SEMA6D: variants seen among roughly 807,000 people sequenced by gnomAD.
The protein encoded by SEMA6D is semaphorin-6D.
SEMA6D carries 35 observed loss-of-function variants against 106.6 expected under a neutral mutation model. That is an observed-to-expected ratio of 0.33 (90% CI 0.25 to 0.44). SEMA6D has a LOEUF of 0.44. Ranked by LOEUF, SEMA6D falls within the 20% of genes least tolerant of loss-of-function variation. The pLI is 1.00. For synonymous variants in SEMA6D, 499 were observed against 487.7 expected (o/e 1.02, Z -0.31); for missense variants, 1,185 against 1,345.9 (o/e 0.88, Z 1.87).
At chr15:47,353,247 G>T (rs16959321) in intron 1 of SEMA6D, among the ~76,000 whole-genome samples, 4 of 151,972 alleles carry the variant, frequency 2.6e-5, no homozygotes, top group African/African-American at 4.8e-5. Flanking sequence ...CTTTGTAATG[G>T]AGGCCTTAGA....
intron 3 of SEMA6D, among the ~76,000 whole-genome samples, chr15:47,530,504 C>T (rs2044925594): frequency 6.6e-6 from 1 of 152,196 alleles, no homozygotes; most frequent in Non-Finnish European, 1.5e-5. Context: ...CCTTTCTTCT[C>T]TTTTAACAAA....
At chr15:47,440,668 G>A (rs1041385697) in intron 2 of SEMA6D, among the ~76,000 whole-genome samples, 11 of 151,914 alleles carry the variant, frequency 7.2e-5, no homozygotes, top group Non-Finnish European at 1.5e-4. Flanking sequence ...AAAAAAGACG[G>A]GTGTTGAATG....
intron 1 of SEMA6D, among the ~76,000 whole-genome samples, chr15:47,748,085 A>G (rs556233034): frequency 1.3e-5 from 2 of 152,340 alleles, no homozygotes; most frequent in South Asian, 2.1e-4. Context: ...TGTGTTGCCC[A>G]TTTCTGGTGG....
At chr15:47,554,402 A>G (rs1277174342) in intron 3 of SEMA6D, among the ~76,000 whole-genome samples, 1 of 152,224 alleles carries the variant, frequency 6.6e-6, no homozygotes, top group African/African-American at 2.4e-5. Flanking sequence ...TCACAAGTAC[A>G]GTGCTACAGA....
chr15:47,295,875 T>C (rs1198361357), intron 1 of SEMA6D, among the ~76,000 whole-genome samples: 1 of 152,202 alleles, frequency 6.6e-6, no homozygotes, highest in Non-Finnish European at 1.5e-5. Flanking sequence ...AACTCACCTG[T>C]CACAAGTAGG....
chr15:47,574,646 T>C (rs2076124842), intron 3 of SEMA6D, among the ~76,000 whole-genome samples: 1 of 152,200 alleles, frequency 6.6e-6, no homozygotes, highest in Non-Finnish European at 1.5e-5. Flanking sequence ...AACATTCCTA[T>C]GCAGAGACAT....
chr15:47,278,339 T>G (rs1245135952), intron 1 of SEMA6D, among the ~76,000 whole-genome samples: 2 of 152,242 alleles, frequency 1.3e-5, no homozygotes, highest in South Asian at 4.1e-4. Flanking sequence ...ATTGTGGTTT[T>G]GATTTGCATT....
intron 1 of SEMA6D, among the ~76,000 whole-genome samples, chr15:47,723,593 A>G (rs528465268): frequency 6.6e-6 from 1 of 152,322 alleles, no homozygotes; most frequent in South Asian, 2.1e-4. Flanking sequence ...AGATTGTACT[A>G]TACATTTTTC....
chr15:47,437,753 G>C (rs1417467055), intron 2 of SEMA6D, among the ~76,000 whole-genome samples: 2 of 152,064 alleles, frequency 1.3e-5, no homozygotes, highest in Non-Finnish European at 2.9e-5. Context: ...CAGCTAATTT[G>C]CTATAATTAC....
intron 2 of SEMA6D, among the ~76,000 whole-genome samples, chr15:47,421,300 G>A (rs949546495): frequency 7.9e-5 from 12 of 152,048 alleles, no homozygotes; most frequent in Non-Finnish European, 1.5e-4. Context: ...TGACAAGAAA[G>A]GACTGGGACT....
intron 2 of SEMA6D, among the ~76,000 whole-genome samples, chr15:47,450,718 T>G (rs1001330820): frequency 5.3e-5 from 8 of 152,164 alleles, no homozygotes; most frequent in African/African-American, 1.9e-4. Context: ...GGACAAGGGA[T>G]CCTAGAATAT....
rs767348397 is a variant in SEMA6D, at chr15:47,771,744, C to G, written c.3181C>G (p.Gln1061Glu). ...DVPPKPSFVP[Q>E]TPSVRPLNKY... is the part of the protein sequence containing the mutation. The stretch of plus-strand genomic sequence containing the variant: ...GCCACCAAAGCCTTCCTTTGTTCCT[C>G]AAACCCCATCTGTCAGACCACTGAA... The change falls in exon 19 of 19, where the codon CAA becomes GAA. Residue 1061 changes from glutamine to glutamate, a missense_variant. Gln to Glu is a conservative substitution (Grantham distance 29, BLOSUM62 2). This residue lies in a region of SEMA6D where 750 missense variants were observed against 783.5 expected (regional missense o/e 0.96). Transcript: ENST00000536845. The G allele has an allele frequency of 4.3e-6, 7 of 1,613,948 alleles. No individual in the cohort carries two copies. The highest frequency in any genetic ancestry group is 5.9e-6 in the Non-Finnish European group (7 of 1,179,918).
chr15:47,571,988 A>C (rs2046397124), intron 3 of SEMA6D, among the ~76,000 whole-genome samples: 1 of 152,212 alleles, frequency 6.6e-6, no homozygotes, highest in Non-Finnish European at 1.5e-5. Context: ...TACTTAGTTT[A>C]AAGTATTATA....
intron 4 of SEMA6D, among the ~76,000 whole-genome samples, chr15:47,665,849 G>A (rs949764345): frequency 6.6e-6 from 1 of 152,134 alleles, no homozygotes; most frequent in African/African-American, 2.4e-5. Flanking sequence ...ATAGTGACTG[G>A]CCTAAAATAA....
chr15:47,209,458 T>C (rs938930462), intron 1 of SEMA6D, among the ~76,000 whole-genome samples: 4 of 152,156 alleles, frequency 2.6e-5, no homozygotes, highest in Non-Finnish European at 5.9e-5. Flanking sequence ...GTATCAACCA[T>C]CCAATAATCC....
At chr15:47,626,627 T>C (rs1174964407) in intron 4 of SEMA6D, among the ~76,000 whole-genome samples, 7 of 152,118 alleles carry the variant, frequency 4.6e-5, no homozygotes, top group African/African-American at 1.7e-4. Flanking sequence ...ACAGTGGGAT[T>C]GTTATTGTTG....
chr15:47,611,353 A>G (rs1020081672), intron 4 of SEMA6D, among the ~76,000 whole-genome samples: 2 of 152,230 alleles, frequency 1.3e-5, no homozygotes, highest in African/African-American at 4.8e-5. Context: ...ACAACATGCT[A>G]TCATATGTAT....
chr15:47,238,034 GATA>G (rs139140497), intron 1 of SEMA6D, among the ~76,000 whole-genome samples: 3,563 of 152,216 alleles, frequency 0.023, 56 homozygotes, highest in Middle Eastern at 0.051. Flanking sequence ...CGCATTTATT[GATA>G]ATGATGATGA....
intron 1 of SEMA6D, among the ~76,000 whole-genome samples, chr15:47,314,024 T>G (rs2143195128): frequency 6.6e-6 from 1 of 152,322 alleles, no homozygotes; most frequent in African/African-American, 2.4e-5. Context: ...CAAACTGTCT[T>G]TCAAAGTGGC....
Sources: gnomAD v4.1 joint callset for allele counts (sites outside exome capture counted in the v4.1 genomes callset) on GRCh38, gnomAD v4.1.1 for gene constraint, gnomAD v4.1.1 regional missense constraint, MANE v1.5 for transcripts, NCBI Gene and HGNC (gene_info 2026-07-23, HGNC 2026-07-21) for gene names.